Variants in CPLX2 observed in about 807,000 individuals in gnomAD.
The protein encoded by CPLX2 is complexin 2.
In CPLX2, 5 loss-of-function variants were observed where a neutral mutation model predicts 16.3. The observed-to-expected ratio is 0.31, with a 90% CI of 0.16 to 0.64. The LOEUF (loss-of-function observed/expected upper bound fraction) is 0.64, where lower values mean the gene tolerates loss of function less well. Among genes scored for constraint, CPLX2 ranks in the 30% least tolerant of loss-of-function variants. CPLX2 has a pLI of 0.79. For missense variants in CPLX2, 144 were observed against 181.4 expected (o/e 0.79, Z 1.18); for synonymous variants, 89 against 73.2 (o/e 1.22, Z -1.10).
intron 2 of CPLX2, among the ~76,000 whole-genome samples, chr5:175,818,001 C>A (rs552161654): frequency 1.3e-5 from 2 of 152,278 alleles, no homozygotes; most frequent in African/African-American, 4.8e-5. Context: ...ATTCATTCTG[C>A]AAGCACTCCC....
At chr5:175,833,581 C>G (rs1242992804) in intron 2 of CPLX2, among the ~76,000 whole-genome samples, 1 of 152,102 alleles carries the variant, frequency 6.6e-6, no homozygotes, top group Non-Finnish European at 1.5e-5. Flanking sequence ...GCCTGGTATG[C>G]AATAGGTCAA....
chr5:175,801,382 A>T (rs753894828), intron 1 of CPLX2, among the ~76,000 whole-genome samples: 12 of 152,292 alleles, frequency 7.9e-5, no homozygotes, highest in Non-Finnish European at 1.3e-4. Flanking sequence ...AGAAGATTTA[A>T]GTCAGCCTGG....
At chr5:175,841,899 G>A (rs1581086972) in intron 2 of CPLX2, among the ~76,000 whole-genome samples, 1 of 152,332 alleles carries the variant, frequency 6.6e-6, no homozygotes, top group East Asian at 1.9e-4. Context: ...GAGATAAAGT[G>A]TAAACATCCA....
At chr5:175,805,887 C>T (rs1056569731) in intron 1 of CPLX2, among the ~76,000 whole-genome samples, 7 of 152,224 alleles carry the variant, frequency 4.6e-5, no homozygotes, top group African/African-American at 1.4e-4. Context: ...GCTACACACA[C>T]ACCCAAGCCA....
chr5:175,827,319 C>A (rs1048564947), intron 2 of CPLX2, among the ~76,000 whole-genome samples: 1 of 152,202 alleles, frequency 6.6e-6, no homozygotes, highest in African/African-American at 2.4e-5. Flanking sequence ...AATGGGGATA[C>A]CCTTTCTAAA....
chr5:175,852,607 GA>G (rs1338660208), intron 2 of CPLX2, among the ~76,000 whole-genome samples: 1 of 152,222 alleles, frequency 6.6e-6, no homozygotes, highest in African/African-American at 2.4e-5. Flanking sequence ...CCTTTTTCTG[GA>G]TAGGGAAACT....
At chr5:175,853,374 T>C (rs1759192491) in intron 2 of CPLX2, among the ~76,000 whole-genome samples, 1 of 152,110 alleles carries the variant, frequency 6.6e-6, no homozygotes, top group Non-Finnish European at 1.5e-5. Flanking sequence ...CCTGAGAAAC[T>C]GGCCCCAGCG....
chr5:175,826,605 G>A (rs1425610453), intron 2 of CPLX2, among the ~76,000 whole-genome samples: 1 of 152,114 alleles, frequency 6.6e-6, no homozygotes, highest in Non-Finnish European at 1.5e-5. Context: ...GGATTTGGTG[G>A]CTGATTGGAT....
At chr5:175,814,469 GT>G (rs1219907070) in intron 2 of CPLX2, among the ~76,000 whole-genome samples, 5 of 152,204 alleles carry the variant, frequency 3.3e-5, no homozygotes, top group African/African-American at 1.2e-4. Context: ...TGGTCCAGTG[GT>G]TGATCATAAC....
intron 2 of CPLX2, among the ~76,000 whole-genome samples, chr5:175,857,085 CATCCAGG>C (rs1759271972): frequency 6.6e-6 from 1 of 152,208 alleles, no homozygotes; most frequent in Non-Finnish European, 1.5e-5. Flanking sequence ...AGTCTGATAG[CATCCAGG>C]CCTCTCACTA....
chr5:175,796,559 G>A (rs1162334363), exon 1 of CPLX2: 2 of 152,360 alleles, frequency 1.3e-5, no homozygotes, highest in Admixed American at 1.3e-4. Context: ...CTCCCTGGGA[G>A]CGGGTCTGCC....
At chr5:175,799,632 C>A (rs1324232562) in intron 1 of CPLX2, among the ~76,000 whole-genome samples, 1 of 146,744 alleles carries the variant, frequency 6.8e-6, no homozygotes, top group Non-Finnish European at 1.5e-5. Flanking sequence ...CCTCCCTCCT[C>A]AGCCTCCCAA....
intron 2 of CPLX2, among the ~76,000 whole-genome samples, chr5:175,825,108 C>A (rs376507906): frequency 6.6e-6 from 1 of 151,930 alleles, no homozygotes; most frequent in Non-Finnish European, 1.5e-5. Flanking sequence ...TTTAACTTGG[C>A]GAACTGGACC....
In CPLX2 at chr5:175,830,569, C is replaced by T. The variant is rs1028247412; in HGVS notation, c.-89+21501C>T. 6.6e-6 allele frequency among the ~76,000 whole-genome samples: 1 copy of T among 152,184 alleles called. No homozygotes were observed. Among genetic ancestry groups the T allele is most frequent in the African/African-American group, 2.4e-5 (1 of 41,448 alleles). On this transcript the variant is annotated intron_variant, in intron 2 of 4. Coordinates refer to the CPLX2 transcript ENST00000359546. This position sits in a 1 kb window ranked among gnomAD's most constrained non-coding sequence, Gnocchi z 4.0. ...CTCTTCCTCTTTGCCACAGGCCATG[C>T]GGCACTAACAAGGACTCTGGTGGTC...
intron 1 of CPLX2, among the ~76,000 whole-genome samples, chr5:175,803,812 G>T (rs923301796): frequency 6.6e-6 from 1 of 152,254 alleles, no homozygotes; most frequent in African/African-American, 2.4e-5. Flanking sequence ...CACAGTCCCT[G>T]CTGCCATCTC....
chr5:175,811,331 G>A (rs1758308903), intron 2 of CPLX2, among the ~76,000 whole-genome samples: 1 of 152,170 alleles, frequency 6.6e-6, no homozygotes, highest in African/African-American at 2.4e-5. Context: ...CCAGAAAGGA[G>A]GATCTTTCTC....
At position 175,798,180 on chromosome 5, in the gene CPLX2, T is replaced by C. The variant is rs141638292; in HGVS notation, c.-169+1396T>C. On this transcript the variant is annotated intron_variant, in intron 1 of 4. Transcript: ENST00000359546. ...TTACTAGCATATGACCTTGGGCAAG[T>C]GACTGTCTGAGACTATCTTCAGCTA... is the stretch of plus-strand genomic sequence containing the variant. Among the ~76,000 whole-genome samples, 76 of 152,282 alleles carry C rather than the reference T, an allele frequency of 5.0e-4. 1 individual carries two copies. The highest frequency in any genetic ancestry group is 1.7e-3 in the African/African-American group (70 of 41,570).
chr5:175,871,558 C>T (rs1291937762), upstream of CPLX2: 1 of 151,336 alleles, frequency 6.6e-6, no homozygotes, highest in Non-Finnish European at 1.5e-5. Context: ...TGGAGGGCGC[C>T]TTCGGCAGCC....
intron 2 of CPLX2, among the ~76,000 whole-genome samples, chr5:175,855,132 C>T (rs748263720): frequency 2.6e-5 from 4 of 152,178 alleles, no homozygotes. Context: ...GCATGACAGT[C>T]GGCAGGGAGA....
Sources: gnomAD v4.1 joint callset for allele counts (sites outside exome capture counted in the v4.1 genomes callset) on GRCh38, gnomAD v4.1.1 for gene constraint, Gnocchi (gnomAD v3.1) non-coding constraint, MANE v1.5 for transcripts, NCBI Gene and HGNC (gene_info 2026-07-23, HGNC 2026-07-21) for gene names.